Variants in GPC5 observed in about 807,000 individuals in gnomAD.
GPC5 encodes the protein glypican 5.
In GPC5, 47 loss-of-function variants were observed where a neutral mutation model predicts 53.9. The observed-to-expected ratio is 0.87, with a 90% CI of 0.69 to 1.11. The LOEUF (loss-of-function observed/expected upper bound fraction) is 1.11, where lower values mean the gene tolerates loss of function less well. Among genes scored for constraint, GPC5 ranks in the 50% most tolerant of loss-of-function variants. The pLI, the probability that GPC5 is intolerant of heterozygous loss-of-function variation, is 0.00. For missense variants in GPC5, 748 were observed against 713.1 expected (o/e 1.05, Z -0.56); for synonymous variants, 286 against 263.3 (o/e 1.09, Z -0.84).
intron 5 of GPC5, among the ~76,000 whole-genome samples, chr13:91,805,514 G>A (rs1831564): frequency 0.52 from 78,598 of 151,960 alleles, 20,935 homozygotes; most frequent in East Asian, 0.73. Flanking sequence ...CATGTATCTC[G>A]CAACACACAA....
intron 7 of GPC5, among the ~76,000 whole-genome samples, chr13:92,487,840 TAAAA>T (rs66972682): frequency 3.0e-5 from 3 of 99,596 alleles, no homozygotes; most frequent in Non-Finnish European, 5.8e-5. Flanking sequence ...ATAAATATAG[TAAAA>T]AAAAAAAAAA....
rs1283439230 is a variant in GPC5 at position 91,670,814 on chromosome 13, A to G, written c.326-22373A>G. On this transcript the variant is annotated intron_variant, in intron 2 of 7. Transcript: ENST00000377067. ...CATTACTGTCTCTCTTAGGCTGCAGACAGTTCTGAAAACTGAACTAACTTC... is the reference window on the plus strand; with the variant it reads ...CATTACTGTCTCTCTTAGGCTGCAGGCAGTTCTGAAAACTGAACTAACTTC... Among the ~76,000 whole-genome samples, 5 of 152,200 alleles carry G rather than the reference A, an allele frequency of 3.3e-5. No homozygotes were observed. In the East Asian group the frequency reaches 9.6e-4, roughly 29 times the overall value.
intron 5 of GPC5, among the ~76,000 whole-genome samples, chr13:91,815,687 C>A (rs1243766934): frequency 6.6e-6 from 1 of 152,192 alleles, no homozygotes; most frequent in East Asian, 1.9e-4. Flanking sequence ...CCACACCCTG[C>A]GTGAGACCCA....
intron 2 of GPC5, among the ~76,000 whole-genome samples, chr13:91,460,586 G>A (rs1165072384): frequency 6.6e-6 from 1 of 152,072 alleles, no homozygotes; most frequent in Non-Finnish European, 1.5e-5. Flanking sequence ...ACAGGCATGA[G>A]CCACCATGCT....
chr13:92,278,103 T>A (rs1025664238), intron 7 of GPC5, among the ~76,000 whole-genome samples: 2 of 151,860 alleles, frequency 1.3e-5, no homozygotes, highest in Non-Finnish European at 2.9e-5. Context: ...AATATTAGTT[T>A]TAATTTTTAA....
rs1206149253 is a variant in GPC5, at chr13:92,751,743, T to TAAAAAA, written c.1562-114535_1562-114530dup. On this transcript the variant is annotated intron_variant, in intron 7 of 7. Transcript: ENST00000377067. Reference sequence around the variant, plus strand: ...CACATGTACCCTAGAACTTAAAGTATAAAAAAAAATAAAAAATAAAAACAC... The same window carrying TAAAAAA: ...CACATGTACCCTAGAACTTAAAGTATAAAAAAAAAAAAAAATAAAAAATAAAAACAC... 7.9e-4 allele frequency among the ~76,000 whole-genome samples: 88 copies of TAAAAAA among 110,894 alleles called. 1 individual carries two copies. In the East Asian group the frequency reaches 0.026, roughly 33 times the overall value. The allele number at this position is 110,894 out of a possible 152,430, so 72.8% of individuals were successfully genotyped here.
At chr13:92,241,996 G>T (rs1303940090) in intron 7 of GPC5, 1 of 152,334 alleles carries the variant, frequency 6.6e-6, no homozygotes, top group Non-Finnish European at 1.5e-5. Flanking sequence ...ACTATGCAAA[G>T]CCAAGGCAGG....
At chr13:91,527,720 C>A (rs1357510040) in intron 2 of GPC5, among the ~76,000 whole-genome samples, 1 of 152,250 alleles carries the variant, frequency 6.6e-6, no homozygotes. Context: ...AGACTTCTGT[C>A]TGGACATCCA....
intron 6 of GPC5, 31 bp from the exon 7 acceptor site, chr13:92,144,799 T>C (rs1204080360): frequency 3.8e-6 from 6 of 1,589,038 alleles, no homozygotes; most frequent in Non-Finnish European, 5.1e-6. Context: ...AAATTTGCTA[T>C]TAGTAAAGGC....
At chr13:91,639,233 A>G (rs973792740) in intron 2 of GPC5, among the ~76,000 whole-genome samples, 1 of 152,204 alleles carries the variant, frequency 6.6e-6, no homozygotes, top group Non-Finnish European at 1.5e-5. Context: ...GTTGGGCAAG[A>G]TGTTTTTCCA....
intron 5 of GPC5, among the ~76,000 whole-genome samples, chr13:91,885,126 C>T (rs1465578610): frequency 6.6e-6 from 1 of 152,120 alleles, no homozygotes; most frequent in Non-Finnish European, 1.5e-5. Context: ...ATGCTTGAAA[C>T]ATTAATGTTG....
intron 7 of GPC5, among the ~76,000 whole-genome samples, chr13:92,366,723 A>G (rs1176038007): frequency 1.3e-5 from 2 of 152,342 alleles, no homozygotes; most frequent in East Asian, 1.9e-4. Context: ...ACTTTCCTTC[A>G]TATGCCTAGT....
intron 1 of GPC5, among the ~76,000 whole-genome samples, chr13:91,414,696 A>G (rs1878054165): frequency 1.3e-5 from 2 of 152,144 alleles, no homozygotes; most frequent in Non-Finnish European, 2.9e-5. Context: ...CTGCAGAGTG[A>G]TTTGCTTCAC....
chr13:92,764,759 G>A (rs1192681166), intron 7 of GPC5, among the ~76,000 whole-genome samples: 1 of 151,932 alleles, frequency 6.6e-6, no homozygotes, highest in Non-Finnish European at 1.5e-5. Context: ...ATTTATTCAT[G>A]GTTTTGACTG....
intron 1 of GPC5, among the ~76,000 whole-genome samples, chr13:91,435,005 T>C (rs1339962874): frequency 1.3e-5 from 2 of 152,214 alleles, no homozygotes; most frequent in Admixed American, 6.5e-5. Flanking sequence ...TATTGGTGTA[T>C]AAGAACGCTT....
intron 7 of GPC5, among the ~76,000 whole-genome samples, chr13:92,325,855 G>T (rs1234749278): frequency 6.6e-6 from 1 of 152,026 alleles, no homozygotes; most frequent in African/African-American, 2.4e-5. Flanking sequence ...ATGGCACAGA[G>T]GGGGTGACGT....
At chr13:92,605,007 G>A (rs1313262866) in intron 7 of GPC5, among the ~76,000 whole-genome samples, 1 of 152,184 alleles carries the variant, frequency 6.6e-6, no homozygotes, top group Admixed American at 6.5e-5. Context: ...ATGTCAACCA[G>A]ATCCCAGGGT....
intron 7 of GPC5, among the ~76,000 whole-genome samples, chr13:92,813,580 A>G (rs1369803250): frequency 6.6e-6 from 1 of 152,042 alleles, no homozygotes; most frequent in Admixed American, 6.6e-5. Context: ...AAATTCAGTT[A>G]ACAAAATGGT....
intron 7 of GPC5, among the ~76,000 whole-genome samples, chr13:92,543,622 A>T (rs567350610): frequency 6.6e-6 from 1 of 152,188 alleles, no homozygotes; most frequent in East Asian, 1.9e-4. Context: ...TACAAGATTT[A>T]CTGGGAAGGA....
Sources: gnomAD v4.1 joint callset for allele counts (sites outside exome capture counted in the v4.1 genomes callset) on GRCh38, gnomAD v4.1.1 for gene constraint, MANE v1.5 for transcripts, NCBI Gene and HGNC (gene_info 2026-07-23, HGNC 2026-07-21) for gene names.